PLXNC1: variants seen among roughly 807,000 people sequenced by gnomAD.
PLXNC1 encodes the protein plexin-C1.
In PLXNC1, 75 loss-of-function variants were observed where a neutral mutation model predicts 178.2. That is an observed-to-expected ratio of 0.42 (90% CI 0.35 to 0.51). The LOEUF is 0.51. Among genes scored for constraint, PLXNC1 ranks in the 20% least tolerant of loss-of-function variants. The probability of loss-of-function intolerance (pLI) is 0.02; values close to 1 mark genes in which losing one functional copy is unlikely to be tolerated. For synonymous variants in PLXNC1, 790 were observed against 779.9 expected (o/e 1.01, Z -0.22); for missense variants, 1,503 against 1,984.4 (o/e 0.76, Z 4.61).
intron 9 of PLXNC1, among the ~76,000 whole-genome samples, chr12:94,233,378 C>T (rs903517015): frequency 1.3e-5 from 2 of 152,154 alleles, no homozygotes; most frequent in African/African-American, 4.8e-5. Flanking sequence ...GAAGAGCTGC[C>T]CTCCCTGGCC....
chr12:94,292,133 T>C (rs1434359185), intron 23 of PLXNC1, among the ~76,000 whole-genome samples: 1 of 152,234 alleles, frequency 6.6e-6, no homozygotes, highest in East Asian at 1.9e-4. Context: ...AATGAACTAC[T>C]TGTAGTTGCA....
At chr12:94,232,236 G>A (rs9943787) in intron 9 of PLXNC1, among the ~76,000 whole-genome samples, 1,722 of 152,168 alleles carry the variant, frequency 0.011, 31 homozygotes, top group African/African-American at 0.039. Context: ...ACAGGCACCC[G>A]CCACCATGCC....
At chr12:94,249,347 C>T (rs1964614221) in intron 14 of PLXNC1, among the ~76,000 whole-genome samples, 1 of 152,164 alleles carries the variant, frequency 6.6e-6, no homozygotes, top group Non-Finnish European at 1.5e-5. Flanking sequence ...ATTCTCATGC[C>T]TCAGTCACCC....
At chr12:94,223,579 A>G (rs1179411583) in intron 6 of PLXNC1, among the ~76,000 whole-genome samples, 1 of 152,244 alleles carries the variant, frequency 6.6e-6, no homozygotes, top group Non-Finnish European at 1.5e-5. Flanking sequence ...GATAGAGCAT[A>G]TATGTTTAAA....
chr12:94,149,311 G>C lies in PLXNC1; in HGVS notation c.340G>C (p.Glu114Gln). The C allele has an allele frequency of 6.8e-7, 1 of 1,461,668 alleles. No individual in the cohort carries two copies. The highest frequency in any genetic ancestry group is 9.0e-7 in the Non-Finnish European group (1 of 1,116,668). The allele number at this position is 1,461,668 out of a possible 1,614,324, so 90.5% of individuals were successfully genotyped here. ...CAGCAAGCTGCTGCTGCCCTACCGC[G>C]AGGGGGCGGCCGGCCTCGGGGGGCT... is the stretch of plus-strand genomic sequence containing the variant. ...SFSKLLLPYR[E>Q]GAAGLGGLLL... is the part of the protein sequence containing the mutation. The change falls in exon 1 of 31, where the codon GAG (glutamate) becomes CAG (glutamine). Residue 114 changes from glutamate to glutamine, a missense_variant. Around this residue, in one of 4 missense-constraint regions of PLXNC1, gnomAD observed 176 missense variants for 180.7 expected, o/e 0.97. Transcript: ENST00000258526.
At chr12:94,303,548 C>T (rs1464862640) in intron 28 of PLXNC1, among the ~76,000 whole-genome samples, 4 of 152,088 alleles carry the variant, frequency 2.6e-5, no homozygotes, top group African/African-American at 9.7e-5. Flanking sequence ...CTGAAAATAA[C>T]AGTGACTCAC....
chr12:94,205,956 C>T (rs1377263759), intron 4 of PLXNC1, among the ~76,000 whole-genome samples: 2 of 152,236 alleles, frequency 1.3e-5, no homozygotes, highest in Admixed American at 6.5e-5. Context: ...CACTTGGCAG[C>T]TATGTGGCCT....
At chr12:94,150,782 GT>G (rs1299200200) in intron 1 of PLXNC1, 1 of 152,290 alleles carries the variant, frequency 6.6e-6, no homozygotes, top group Non-Finnish European at 1.5e-5. Flanking sequence ...AAGGGAAAGT[GT>G]TGGGGGTGCT....
chr12:94,258,335 A>G (rs1420977199), intron 17 of PLXNC1, among the ~76,000 whole-genome samples: 1 of 152,066 alleles, frequency 6.6e-6, no homozygotes, highest in Non-Finnish European at 1.5e-5. Flanking sequence ...AGGGGAGGAT[A>G]TGGCCAAAAT....
Position 94,243,956 on chromosome 12 carries a change from C to T in PLXNC1, c.2319C>T (p.Thr773=), listed in dbSNP as rs1964458374. Residue 773 remains threonine, a synonymous_variant, in exon 12 of 31, where the codon ACC becomes ACT. Coordinates refer to ENST00000258526, the MANE Select transcript of PLXNC1 (RefSeq NM_005761.3). The part of the protein sequence containing the change: ...TTWISGGQNI[T]MMGRNFDVID... ...CTTGCAGTGGTGGTCAAAATATAAC[C>T]ATGATGGGCAGAAATTTTGATGTAA... 7 of 1,595,366 alleles carry T rather than the reference C, an allele frequency of 4.4e-6. No individual in the cohort carries two copies. The East Asian group carries it at 1.6e-4, about 36-fold the overall frequency.
At chr12:94,282,987 A>AG (rs1271098827) in intron 23 of PLXNC1, 1 of 152,734 alleles carries the variant, frequency 6.5e-6, no homozygotes, top group East Asian at 1.9e-4. Flanking sequence ...AAGACAGAGG[A>AG]GGCAGTGAAG....
At chr12:94,208,096 C>G (rs1451356361) in intron 4 of PLXNC1, among the ~76,000 whole-genome samples, 2 of 152,230 alleles carry the variant, frequency 1.3e-5, no homozygotes, top group Admixed American at 1.3e-4. Context: ...CTCTCTCTGA[C>G]ATTGACAGGC....
chr12:94,304,241 T>C, intron 30 of PLXNC1, 190 bp downstream of exon 30: 1 of 493,448 alleles, frequency 2.0e-6, no homozygotes, highest in South Asian at 3.1e-5. Context: ...TACAGTTTTA[T>C]CATGCTGCCC....
intron 7 of PLXNC1, 169 bp from the exon 8 acceptor site, chr12:94,226,436 T>C: frequency 1.8e-6 from 1 of 556,048 alleles, no homozygotes. Flanking sequence ...CCCATCAACC[T>C]GAGGGCTTCC....
intron 4 of PLXNC1, among the ~76,000 whole-genome samples, chr12:94,191,768 T>TGA (rs1962733784): frequency 1.4e-5 from 1 of 70,268 alleles, no homozygotes; most frequent in Non-Finnish European, 3.4e-5. Context: ...AAACTCCATC[T>TGA]CAAAAAAAAA....
At chr12:94,212,986 T>C (rs1372755386) in intron 5 of PLXNC1, among the ~76,000 whole-genome samples, 1 of 152,250 alleles carries the variant, frequency 6.6e-6, no homozygotes, top group Non-Finnish European at 1.5e-5. Context: ...CCCAAAGTGC[T>C]GGGATTACAG....
intron 2 of PLXNC1, among the ~76,000 whole-genome samples, chr12:94,173,221 A>G (rs1961912425): frequency 6.6e-6 from 1 of 152,152 alleles, no homozygotes; most frequent in Non-Finnish European, 1.5e-5. Context: ...TTCTGTAAAC[A>G]CACACCGAGT....
chr12:94,187,985 TAAG>T (rs1253225488), intron 4 of PLXNC1, among the ~76,000 whole-genome samples: 1 of 150,726 alleles, frequency 6.6e-6, no homozygotes, highest in African/African-American at 2.4e-5. Flanking sequence ...GAACAAGAAA[TAAG>T]GAGGGAGCAG....
chr12:94,171,799 C>T (rs1231561915), intron 2 of PLXNC1, among the ~76,000 whole-genome samples: 2 of 152,134 alleles, frequency 1.3e-5, no homozygotes, highest in African/African-American at 2.4e-5. Flanking sequence ...ACCTCACTGG[C>T]GTGGTAACTT....
Sources: allele counts gnomAD v4.1 joint callset (sites outside exome capture counted in the v4.1 genomes callset), GRCh38; gene constraint gnomAD v4.1.1; regional missense constraint gnomAD v4.1.1; transcripts MANE v1.5; gene names NCBI Gene and HGNC (gene_info 2026-07-23, HGNC 2026-07-21).